LATS2: variants seen among roughly 807,000 people sequenced by gnomAD.
LATS2 encodes the protein serine/threonine-protein kinase LATS2.
In LATS2, 24 loss-of-function variants were observed where a neutral mutation model predicts 76.0. The observed-to-expected ratio is 0.32, with a 90% CI of 0.23 to 0.44. The LOEUF (loss-of-function observed/expected upper bound fraction) is 0.44, where lower values mean the gene tolerates loss of function less well. LATS2 is among the 20% of genes least tolerant of loss of function. LATS2 has a pLI of 1.00. For missense variants in LATS2, 1,286 were observed against 1,481.2 expected, an observed-to-expected ratio of 0.87 and a Z score of 2.16; for synonymous variants, 692 against 635.4, an observed-to-expected ratio of 1.09 and a Z score of -1.34.
chr13:21,050,125 C>CAGACAGAT (rs71306170), intron 1 of LATS2, among the ~76,000 whole-genome samples: 1 of 69,802 alleles, frequency 1.4e-5, no homozygotes, highest in African/African-American at 4.2e-5. Context: ...GTCTCATAGA[C>CAGACAGAT]AGATAGATAG....
chr13:21,041,235 G>A (rs1872871385), intron 2 of LATS2, among the ~76,000 whole-genome samples: 1 of 152,110 alleles, frequency 6.6e-6, no homozygotes, highest in Admixed American at 6.5e-5. Flanking sequence ...GCCTCCCAAA[G>A]TGCTGGGATT....
intron 2 of LATS2, among the ~76,000 whole-genome samples, chr13:21,022,543 C>T (rs965060297): frequency 1.3e-5 from 2 of 152,292 alleles, no homozygotes; most frequent in Admixed American, 6.5e-5. Context: ...GTTCTAACCA[C>T]GCAAAACACA....
intron 2 of LATS2, among the ~76,000 whole-genome samples, chr13:21,022,297 A>T (rs764871364): frequency 6.6e-6 from 1 of 152,064 alleles, no homozygotes; most frequent in Non-Finnish European, 1.5e-5. Flanking sequence ...TGTGTGTGTG[A>T]GTGTGCATGT....
At position 21,007,758 on chromosome 13, in the gene LATS2, ATATT is replaced by A. The variant is rs1335545007; in HGVS notation, c.343-16358_343-16355del. Among the ~76,000 whole-genome samples, 7 of 5,908 alleles carry A rather than the reference ATATT, an allele frequency of 1.2e-3. 2 individuals carry two copies. Among genetic ancestry groups the A allele is most frequent in the Non-Finnish European group, 2.0e-3 (7 of 3,492 alleles). 3.9% of individuals were successfully genotyped at this position (5,908 alleles called of 152,430 possible). A position where few individuals can be genotyped will look rare whatever the true frequency, so the allele number is the denominator to read the frequency against. Reference sequence around the variant, plus strand: ...ATAGTATATATATATATATATATATATATTTTTTTTTTTTTTTTGAGATGGAGTC... The same window carrying A: ...ATAGTATATATATATATATATATATATTTTTTTTTTTTTTGAGATGGAGTC... On this transcript the variant is annotated intron_variant, in intron 2 of 7. Coordinates refer to ENST00000382592, the MANE Select transcript of LATS2 (RefSeq NM_014572.3).
intron 2 of LATS2, among the ~76,000 whole-genome samples, chr13:21,030,613 A>AAAAAAAAAAAAAAAAAG (rs1565960105): frequency 8.7e-4 from 17 of 19,512 alleles, no homozygotes; most frequent in African/African-American, 1.5e-3. Flanking sequence ...AAAAAAAAAG[A>AAAAAAAAAAAAAAAAAG]AAAAAAAAAA....
Position 21,006,642 on chromosome 13 carries a change from C to CA in LATS2, c.343-15239dup, listed in dbSNP as rs1871277650. Among the ~76,000 whole-genome samples the CA allele has an allele frequency of 2.0e-5, 3 of 152,340 alleles. No individual in the cohort carries two copies. In the South Asian group the frequency reaches 6.2e-4, roughly 32 times the overall value. On this transcript the variant is annotated intron_variant, in intron 2 of 7. Coordinates refer to ENST00000382592, the MANE Select transcript of LATS2 (RefSeq NM_014572.3). ...GAATATGTGTGAAGACTCTGCTCTT[C>CA]ACTTCCAGACAAAGGCTGCCTGGAA...
chr13:21,046,092 A>G lies in LATS2; in HGVS notation c.-66T>C. 8.9e-7 allele frequency: 1 copy of G among 1,119,616 alleles called. No individual in the cohort carries two copies. Among genetic ancestry groups the G allele is most frequent in the Non-Finnish European group, 1.3e-6 (1 of 784,952 alleles). The allele number at this position is 1,119,616 out of a possible 1,614,324, so 69.4% of individuals were successfully genotyped here. On this transcript the variant is annotated 5_prime_UTR_variant, in exon 2 of 8. Coordinates refer to ENST00000382592, the MANE Select transcript of LATS2 (RefSeq NM_014572.3). ...AAAGTGTTTTATTATTTAAAAAAAA[A>G]AACTGTCAATAGTATCAGTTTGTTG...
intron 2 of LATS2, among the ~76,000 whole-genome samples, chr13:21,007,974 G>C (rs1871426872): frequency 6.6e-6 from 1 of 150,808 alleles, no homozygotes; most frequent in African/African-American, 2.4e-5. Context: ...GTCCAGGCTG[G>C]TCTCAAACTC....
intron 2 of LATS2, among the ~76,000 whole-genome samples, chr13:21,034,380 C>A (rs1258352112): frequency 6.6e-6 from 1 of 152,150 alleles, no homozygotes; most frequent in Non-Finnish European, 1.5e-5. Context: ...ATTTCCAAGG[C>A]TGCTTAAACC....
chr13:21,012,155 T>C (rs1361480848), intron 2 of LATS2, among the ~76,000 whole-genome samples: 2 of 152,200 alleles, frequency 1.3e-5, no homozygotes, highest in African/African-American at 4.8e-5. Context: ...AGTGTTTATC[T>C]AAACATCTCT....
At chr13:21,026,138 G>A (rs145117380) in intron 2 of LATS2, among the ~76,000 whole-genome samples, 28 of 152,196 alleles carry the variant, frequency 1.8e-4, no homozygotes, top group Non-Finnish European at 3.2e-4. Flanking sequence ...AGAAGGAAAC[G>A]AATTATTTGC....
intron 2 of LATS2, among the ~76,000 whole-genome samples, chr13:21,027,888 T>C (rs1161974442): frequency 6.6e-6 from 1 of 152,180 alleles, no homozygotes; most frequent in Non-Finnish European, 1.5e-5. Flanking sequence ...TCTTCTGATC[T>C]GTGAACATAC....
chr13:21,037,887 C>T (rs1595250658), intron 2 of LATS2, among the ~76,000 whole-genome samples: 2 of 152,198 alleles, frequency 1.3e-5, no homozygotes, highest in Middle Eastern at 3.4e-3. Context: ...GGGTCCTGTC[C>T]GCCAACTCCC....
chr13:21,061,230 C>T (rs541364366), intron 1 of LATS2, 116 bp downstream of exon 1: 82 of 152,184 alleles, frequency 5.4e-4, no homozygotes, highest in African/African-American at 1.8e-3. Context: ...GCCGGGCGCC[C>T]TTCCCGGAGC....
At chr13:21,037,010 A>G (rs891178751) in intron 2 of LATS2, among the ~76,000 whole-genome samples, 4 of 152,266 alleles carry the variant, frequency 2.6e-5, no homozygotes, top group African/African-American at 9.6e-5. Context: ...GAAGTCAGTA[A>G]TATCCATAAG....
chr13:21,014,174 G>A (rs868816216), intron 2 of LATS2, among the ~76,000 whole-genome samples: 7 of 152,142 alleles, frequency 4.6e-5, no homozygotes, highest in Non-Finnish European at 8.8e-5. Flanking sequence ...ATATGAGTCG[G>A]GGGCAGGGGG....
chr13:21,060,383 T>C (rs1299176246), intron 1 of LATS2, among the ~76,000 whole-genome samples: 4 of 152,160 alleles, frequency 2.6e-5, no homozygotes, highest in African/African-American at 9.6e-5. Flanking sequence ...CCCCCACACG[T>C]CGCTAAACTA....
chr13:21,008,199 G>A (rs1871435262), intron 2 of LATS2, among the ~76,000 whole-genome samples: 1 of 152,184 alleles, frequency 6.6e-6, no homozygotes, highest in Non-Finnish European at 1.5e-5. Flanking sequence ...AGCTACTACT[G>A]TAGGACAGAC....
At chr13:21,029,926 C>A (rs569667793) in intron 2 of LATS2, among the ~76,000 whole-genome samples, 1 of 152,054 alleles carries the variant, frequency 6.6e-6, no homozygotes, top group Admixed American at 6.5e-5. Context: ...GGGTTCAAGA[C>A]CAGCCTGGCC....
Sources: allele counts gnomAD v4.1 joint callset (sites outside exome capture counted in the v4.1 genomes callset), GRCh38; gene constraint gnomAD v4.1.1; transcripts MANE v1.5; gene names NCBI Gene and HGNC (gene_info 2026-07-23, HGNC 2026-07-21).